Variants in CDH13 observed in about 807,000 individuals in gnomAD.
CDH13 encodes cadherin 13.
A neutral mutation model predicts 63.8 loss-of-function variants in CDH13; 24 were observed. The ratio of observed to expected loss-of-function variants is 0.38; its 90% CI spans 0.27 to 0.53. The LOEUF (loss-of-function observed/expected upper bound fraction) is 0.53, where lower values mean the gene tolerates loss of function less well. CDH13 is among the 20% of genes least tolerant of loss of function. The probability of loss-of-function intolerance (pLI) is 0.85; values close to 1 mark genes in which losing one functional copy is unlikely to be tolerated. For synonymous variants in CDH13, 503 were observed against 355.3 expected (o/e 1.42, Z -4.67); for missense variants, 1,049 against 903.1 (o/e 1.16, Z -2.07).
intron 7 of CDH13, among the ~76,000 whole-genome samples, chr16:83,496,847 G>A (rs1416681350): frequency 1.1e-4 from 16 of 152,050 alleles, no homozygotes; most frequent in Non-Finnish European, 1.3e-4. Context: ...AAAAGTGGGC[G>A]AAGGACATGA....
chr16:82,666,876 C>T (rs921353287), intron 1 of CDH13, among the ~76,000 whole-genome samples: 13 of 152,172 alleles, frequency 8.5e-5, no homozygotes, highest in Admixed American at 8.5e-4. Context: ...CTTGAAGAAT[C>T]AGAACCACCT....
intron 6 of CDH13, among the ~76,000 whole-genome samples, chr16:83,409,099 C>G (rs1215797483): frequency 6.6e-6 from 1 of 151,940 alleles, no homozygotes; most frequent in Non-Finnish European, 1.5e-5. Flanking sequence ...ACAGGAAACA[C>G]CAGTAGAAAA....
chr16:83,789,674 C>T lies in CDH13; in HGVS notation c.2135-5349C>T, dbSNP rs1229595090. ...TGAAATTAGCTATTAAAGTACATAA[C>T]TTCCTAACTCAGCCATAGTCCTTAC... On this transcript the variant is annotated intron_variant, in intron 13 of 13. Coordinates refer to ENST00000567109, the MANE Select transcript of CDH13 (RefSeq NM_001257.5). Among the ~76,000 whole-genome samples the T allele has an allele frequency of 2.6e-5, 4 of 152,228 alleles. No homozygotes were observed. In the South Asian group the frequency reaches 8.3e-4, roughly 32 times the overall value.
intron 6 of CDH13, among the ~76,000 whole-genome samples, chr16:83,417,915 T>G (rs2071601485): frequency 1.3e-5 from 2 of 152,128 alleles, no homozygotes; most frequent in African/African-American, 4.8e-5. Context: ...AAATCATAAC[T>G]GTTTTCCCCT....
chr16:82,842,153 TATATATATATAC>T (rs1234308193), intron 1 of CDH13, among the ~76,000 whole-genome samples: 45 of 32,902 alleles, frequency 1.4e-3, no homozygotes, highest in Admixed American at 3.9e-3. Context: ...TATATATATA[TATATATATATAC>T]ACACACACAC....
chr16:83,701,551 C>G (rs1906233854), intron 10 of CDH13, among the ~76,000 whole-genome samples: 2 of 152,286 alleles, frequency 1.3e-5, no homozygotes, highest in African/African-American at 2.4e-5. Context: ...TGAGCTACAA[C>G]TAAAACCCTG....
At chr16:83,123,250 A>G (rs1187770806) in intron 3 of CDH13, among the ~76,000 whole-genome samples, 1 of 151,386 alleles carries the variant, frequency 6.6e-6, no homozygotes, top group Non-Finnish European at 1.5e-5. Flanking sequence ...ATATGTATAG[A>G]TACAAATATA....
At chr16:83,061,891 A>T (rs1797989604) in intron 3 of CDH13, among the ~76,000 whole-genome samples, 1 of 152,180 alleles carries the variant, frequency 6.6e-6, no homozygotes, top group African/African-American at 2.4e-5. Flanking sequence ...GAGATGTCAC[A>T]ATAGTCCAGG....
chr16:83,570,557 T>C (rs1904482390), intron 7 of CDH13, among the ~76,000 whole-genome samples: 1 of 151,914 alleles, frequency 6.6e-6, no homozygotes, highest in Non-Finnish European at 1.5e-5. Context: ...TTTACTGGGC[T>C]GCTGTGGGAA....
At chr16:83,779,745 C>G (rs1915388489) in intron 11 of CDH13, among the ~76,000 whole-genome samples, 1 of 152,052 alleles carries the variant, frequency 6.6e-6, no homozygotes, top group African/African-American at 2.4e-5. Flanking sequence ...GTGGTCCCAG[C>G]TACTTGGGAT....
intron 1 of CDH13, among the ~76,000 whole-genome samples, chr16:82,835,794 T>C (rs1191499390): frequency 6.6e-6 from 1 of 152,174 alleles, no homozygotes; most frequent in Non-Finnish European, 1.5e-5. Context: ...CATGTTTGCC[T>C]CCAGCAAACC....
chr16:83,308,658 A>G (rs183212903), intron 5 of CDH13, among the ~76,000 whole-genome samples: 96 of 152,366 alleles, frequency 6.3e-4, no homozygotes, highest in African/African-American at 1.9e-3. Flanking sequence ...TCCTAAGCCC[A>G]CATTTCAGCT....
intron 4 of CDH13, among the ~76,000 whole-genome samples, chr16:83,213,067 T>C (rs1328328408): frequency 6.6e-6 from 1 of 152,148 alleles, no homozygotes; most frequent in Admixed American, 6.5e-5. Flanking sequence ...AGCCACATCC[T>C]TAAGAACATA....
chr16:82,880,399 G>C (rs535589578), intron 2 of CDH13, among the ~76,000 whole-genome samples: 4 of 152,152 alleles, frequency 2.6e-5, no homozygotes, highest in African/African-American at 7.2e-5. Context: ...TACTAATGTG[G>C]ATATTGAATG....
intron 2 of CDH13, among the ~76,000 whole-genome samples, chr16:83,014,763 T>C (rs1469944935): frequency 9.2e-5 from 5 of 54,336 alleles, no homozygotes; most frequent in African/African-American, 3.3e-4. Context: ...TATATATATA[T>C]ATATATATAT....
chr16:83,504,797 T>C (rs2074359913), intron 7 of CDH13, among the ~76,000 whole-genome samples: 1 of 152,218 alleles, frequency 6.6e-6, no homozygotes, highest in South Asian at 2.1e-4. Context: ...AGGAATTTTT[T>C]TAAAAAATAA....
At chr16:83,069,623 C>G (rs114431634) in intron 3 of CDH13, among the ~76,000 whole-genome samples, 167 of 152,244 alleles carry the variant, frequency 1.1e-3, no homozygotes, top group African/African-American at 3.9e-3. Flanking sequence ...ATCTACTATG[C>G]CATGCTGCCT....
rs149461797 is a variant in CDH13, at chr16:83,446,561, A to G, written c.782-39916A>G. ...GTACAGAAGTCCATTCTGCTGAACA[A>G]TGGAAGAAAAACCACACAGGGATTT... is the stretch of plus-strand genomic sequence containing the variant. On this transcript the variant is annotated intron_variant, in intron 6 of 13. Transcript: ENST00000567109. Among the ~76,000 whole-genome samples the G allele has an allele frequency of 1.1e-4, 17 of 152,316 alleles. No individual in the cohort carries two copies. In the East Asian group the frequency reaches 1.4e-3, roughly 12 times the overall value.
intron 6 of CDH13, chr16:83,397,312 C>G (rs1486959622): frequency 6.6e-6 from 1 of 152,086 alleles, no homozygotes; most frequent in African/African-American, 2.4e-5. Context: ...GAAGTTCAAC[C>G]CTTCCAGCTA....
Sources: allele counts gnomAD v4.1 joint callset (sites outside exome capture counted in the v4.1 genomes callset), GRCh38; gene constraint gnomAD v4.1.1; transcripts MANE v1.5; gene names NCBI Gene and HGNC (gene_info 2026-07-23, HGNC 2026-07-21).